The following CGNL1 variants were observed in gnomAD, a reference collection of about 807,000 sequenced individuals.
The protein encoded by CGNL1 is cingulin-like protein 1.
A neutral mutation model predicts 141.2 loss-of-function variants in CGNL1; 132 were observed. The observed-to-expected ratio is 0.93, with a 90% CI of 0.81 to 1.08. The LOEUF (loss-of-function observed/expected upper bound fraction) is 1.08. Among genes scored for constraint, CGNL1 ranks in the 50% least tolerant of loss-of-function variants. The pLI is 0.00. For synonymous variants in CGNL1, 690 were observed against 622.1 expected (o/e 1.11, Z -1.63); for missense variants, 1,870 against 1,588.6 (o/e 1.18, Z -3.01).
intron 4 of CGNL1, 125 bp downstream of exon 4, chr15:57,442,603 T>C: frequency 1.7e-6 from 1 of 581,272 alleles, no homozygotes. Context: ...TAGTGAGGAG[T>C]ACTCTTCATG....
intron 4 of CGNL1, among the ~76,000 whole-genome samples, chr15:57,448,764 C>T (rs559269351): frequency 2.0e-5 from 3 of 151,650 alleles, no homozygotes; most frequent in African/African-American, 7.3e-5. Context: ...ATCTCTATGT[C>T]TGTTGTTTAT....
At chr15:57,486,351 G>A (rs1050389510) in intron 8 of CGNL1, among the ~76,000 whole-genome samples, 18 of 152,112 alleles carry the variant, frequency 1.2e-4, no homozygotes, top group African/African-American at 4.3e-4. Context: ...AAAGAGTCAG[G>A]GAAGAGGTCG....
intron 8 of CGNL1, among the ~76,000 whole-genome samples, chr15:57,494,359 C>T (rs1193017123): frequency 6.6e-6 from 1 of 152,158 alleles, no homozygotes; most frequent in Non-Finnish European, 1.5e-5. Context: ...TTCTCTTCTA[C>T]ATGTCTCTAG....
intron 8 of CGNL1, among the ~76,000 whole-genome samples, chr15:57,515,379 T>C (rs1289015436): frequency 1.3e-5 from 2 of 152,244 alleles, no homozygotes; most frequent in Non-Finnish European, 2.9e-5. Context: ...ATAAGCTTAC[T>C]GTACTGTTAA....
chr15:57,518,784 A>G (rs1412942628), intron 10 of CGNL1, among the ~76,000 whole-genome samples: 1 of 152,220 alleles, frequency 6.6e-6, no homozygotes, highest in Admixed American at 6.5e-5. Flanking sequence ...CCTATGAAGC[A>G]CAGGACAGCC....
At chr15:57,489,180 G>T (rs973131532) in intron 8 of CGNL1, among the ~76,000 whole-genome samples, 1 of 152,178 alleles carries the variant, frequency 6.6e-6, no homozygotes, top group African/African-American at 2.4e-5. Context: ...AGTTACTGAT[G>T]TTACAAATTA....
intron 12 of CGNL1, among the ~76,000 whole-genome samples, chr15:57,525,998 G>A (rs1295154937): frequency 2.0e-5 from 3 of 152,112 alleles, no homozygotes; most frequent in African/African-American, 7.2e-5. Context: ...AGATCACAGT[G>A]TCACAATGAC....
intron 14 of CGNL1, among the ~76,000 whole-genome samples, chr15:57,542,140 C>T (rs1476723634): frequency 6.6e-6 from 1 of 152,176 alleles, no homozygotes; most frequent in African/African-American, 2.4e-5. Context: ...TTCTTGCTCT[C>T]CATGGGGGAC....
intron 1 of CGNL1, among the ~76,000 whole-genome samples, chr15:57,382,100 T>G (rs1410103975): frequency 6.6e-6 from 1 of 152,182 alleles, no homozygotes; most frequent in African/African-American, 2.4e-5. Context: ...AACGAAGCTG[T>G]GCACATCCAA....
intron 1 of CGNL1, among the ~76,000 whole-genome samples, chr15:57,419,740 C>G (rs1283421811): frequency 1.3e-5 from 2 of 152,138 alleles, no homozygotes; most frequent in Non-Finnish European, 2.9e-5. Context: ...AAAGCATGTG[C>G]TTGGCTCAAT....
chr15:57,452,273 C>T lies in CGNL1; in HGVS notation c.2038C>T (p.Arg680Trp), dbSNP rs760282978. 4.7e-5 allele frequency: 76 copies of T among 1,613,432 alleles called. No individual in the cohort carries two copies. The highest frequency in any genetic ancestry group is 8.3e-5 in the Admixed American group (5 of 59,944). Reference sequence around the variant, plus strand: ...ACTGGAAGAAAGTGAAGGGGAGCTCCGGAAGAATCTGGAGGAGTAAGTTCT... The same window carrying T: ...ACTGGAAGAAAGTGAAGGGGAGCTCTGGAAGAATCTGGAGGAGTAAGTTCT... ...QRLEESEGEL[R>W]KNLEELFQVK... Residue 680 changes from arginine (R) to tryptophan (W), a missense_variant, in exon 6 of 19, where the codon CGG (arginine) becomes TGG (tryptophan). Physicochemically the swap from Arg to Trp is moderately radical, Grantham distance 101. Coordinates refer to ENST00000281282, the MANE Select transcript of CGNL1 (RefSeq NM_032866.5).
chr15:57,487,144 C>T (rs1017888621), intron 8 of CGNL1, among the ~76,000 whole-genome samples: 2 of 152,060 alleles, frequency 1.3e-5, no homozygotes, highest in African/African-American at 2.4e-5. Flanking sequence ...TAGGAGTAGA[C>T]AGTTTATTGT....
chr15:57,526,662 A>AT (rs11429289), intron 12 of CGNL1, among the ~76,000 whole-genome samples: 16,197 of 152,096 alleles, frequency 0.11, 2,058 homozygotes, highest in African/African-American at 0.31. Context: ...GCAAAGGGTG[A>AT]TTTTAACTAC....
chr15:57,399,469 G>C (rs2062636190), intron 1 of CGNL1, among the ~76,000 whole-genome samples: 2 of 150,640 alleles, frequency 1.3e-5, no homozygotes, highest in African/African-American at 4.9e-5. Context: ...AATTTTGGTT[G>C]ATTATTTTTT....
intron 14 of CGNL1, among the ~76,000 whole-genome samples, chr15:57,542,920 T>C (rs1282876425): frequency 6.6e-6 from 1 of 152,242 alleles, no homozygotes; most frequent in Non-Finnish European, 1.5e-5. Context: ...AGAGAGATAC[T>C]GTTAGCTCCT....
intron 1 of CGNL1, among the ~76,000 whole-genome samples, chr15:57,384,301 A>G (rs996286670): frequency 1.3e-5 from 2 of 152,132 alleles, no homozygotes; most frequent in Admixed American, 6.5e-5. Flanking sequence ...AGTAATTCTC[A>G]TAATAGCAAA....
At chr15:57,465,998 T>C (rs1281384334) in intron 8 of CGNL1, among the ~76,000 whole-genome samples, 1 of 152,232 alleles carries the variant, frequency 6.6e-6, no homozygotes, top group African/African-American at 2.4e-5. Flanking sequence ...TGGATGGAAT[T>C]CATGAATGCC....
chr15:57,406,061 A>G (rs991161377), intron 1 of CGNL1: 2 of 152,536 alleles, frequency 1.3e-5, no homozygotes, highest in Non-Finnish European at 2.9e-5. Flanking sequence ...CACTAAACAC[A>G]CAGGCAAGGC....
chr15:57,520,354 TGAG>T (rs1239309168), intron 10 of CGNL1, among the ~76,000 whole-genome samples: 2 of 152,232 alleles, frequency 1.3e-5, no homozygotes, highest in Non-Finnish European at 2.9e-5. Context: ...CCTTAGTCCT[TGAG>T]GAAAGAAAAA....
Sources: gnomAD v4.1 joint callset for allele counts (sites outside exome capture counted in the v4.1 genomes callset) on GRCh38, gnomAD v4.1.1 for gene constraint, MANE v1.5 for transcripts, NCBI Gene and HGNC (gene_info 2026-07-23, HGNC 2026-07-21) for gene names.